The following NTRK1 variants were observed in gnomAD, a reference collection of about 807,000 sequenced individuals.
The protein encoded by NTRK1 is neurotrophic receptor tyrosine kinase 1.
NTRK1 carries 62 observed loss-of-function variants against 86.8 expected under a neutral mutation model. The observed-to-expected ratio is 0.71, with a 90% CI of 0.58 to 0.88. The LOEUF (loss-of-function observed/expected upper bound fraction) is 0.88, where lower values mean the gene tolerates loss of function less well. Among genes scored for constraint, NTRK1 ranks in the 40% least tolerant of loss-of-function variants. NTRK1 has a pLI of 0.00. For synonymous variants in NTRK1, 469 were observed against 456.6 expected (o/e 1.03, Z -0.35); for missense variants, 967 against 1,078.4 (o/e 0.90, Z 1.45).
At chr1:156,817,437 A>G (rs1654036623) in intron 1 of NTRK1, among the ~76,000 whole-genome samples, 1 of 151,462 alleles carries the variant, frequency 6.6e-6, no homozygotes, top group South Asian at 2.1e-4. Flanking sequence ...AATAATAATA[A>G]TAATAGTAAT....
intron 1 of NTRK1, among the ~76,000 whole-genome samples, chr1:156,832,609 G>T (rs1278906095): frequency 1.3e-5 from 2 of 152,136 alleles, no homozygotes; most frequent in East Asian, 3.8e-4. Flanking sequence ...CAGGCTTAGA[G>T]CTGCAAAGCC....
Position 156,874,900 on chromosome 1 carries a change from C to A in NTRK1, c.1252-6C>A. The A allele has an allele frequency of 1.2e-6, 2 of 1,605,928 alleles. No homozygotes were observed. The highest frequency in any genetic ancestry group is 1.7e-6 in the Non-Finnish European group (2 of 1,172,892). ...CCTGGATCTAACTACCCCTGTCCCCCACCAGGTCTCGGTGGCTGTGGGCCT... is the reference window on the plus strand; with the variant it reads ...CCTGGATCTAACTACCCCTGTCCCCAACCAGGTCTCGGTGGCTGTGGGCCT... On this transcript the variant is annotated splice_polypyrimidine_tract_variant and splice_region_variant and intron_variant, in intron 10 of 16. Coordinates refer to ENST00000524377, the MANE Select transcript of NTRK1 (RefSeq NM_002529.4).
chr1:156,879,511 T>G, intron 15 of NTRK1, 149 bp downstream of exon 15: 2 of 1,073,298 alleles, frequency 1.9e-6, no homozygotes, highest in Non-Finnish European at 2.6e-6. Context: ...CCTCGGCTCC[T>G]GGTGGAGGGG....
chr1:156,864,677 G>T (rs1655840298), intron 2 of NTRK1, 51 bp from the exon 3 acceptor site: 2 of 1,592,690 alleles, frequency 1.3e-6, no homozygotes, highest in South Asian at 2.2e-5. Context: ...GAGGGCCAGG[G>T]GCCCAGAGTA....
At chr1:156,844,487 A>G in intron 2 of NTRK1, 1 of 1,614,078 alleles carries the variant, frequency 6.2e-7, no homozygotes, top group East Asian at 2.2e-5. Flanking sequence ...AGAAGGCAAC[A>G]CTGTCTGTCC....
chr1:156,849,298 A>G (rs1393691500), intron 2 of NTRK1: 4 of 1,613,504 alleles, frequency 2.5e-6, no homozygotes, highest in Non-Finnish European at 3.4e-6. Flanking sequence ...TGTTCTGCCG[A>G]CCTCGCGTGC....
At chr1:156,880,311 T>C (rs2102928517) in intron 16 of NTRK1, 154 bp downstream of exon 16, 2 of 752,830 alleles carry the variant, frequency 2.7e-6, no homozygotes, top group Non-Finnish European at 4.4e-6. Context: ...TCCCCTCCAC[T>C]GTGGCCCTTT....
chr1:156,821,041 C>A (rs996492311), intron 1 of NTRK1, among the ~76,000 whole-genome samples: 1 of 152,146 alleles, frequency 6.6e-6, no homozygotes, highest in Non-Finnish European at 1.5e-5. Context: ...AGATCTTTAA[C>A]CTTCTTGGTT....
chr1:156,820,702 C>T (rs1306681511), intron 1 of NTRK1, among the ~76,000 whole-genome samples: 4 of 152,122 alleles, frequency 2.6e-5, no homozygotes, highest in South Asian at 4.1e-4. Flanking sequence ...TAGTTTAATT[C>T]GAAGTTGGAT....
rs1654968041 is a variant in NTRK1 at position 156,845,588 on chromosome 1, G to A, written c.50+3395G>A. ...CGCCCCTCACAGGCCCCACTCATCA[G>A]ACCCTCCCAGGCCGCGCGCGCTCTT... On this transcript the variant is annotated intron_variant, in intron 2 of 16. Coordinates refer to the NTRK1 transcript ENST00000392302. 4.8e-6 allele frequency: 6 copies of A among 1,243,048 alleles called. No individual in the cohort carries two copies. The South Asian group carries it at 8.1e-5, about 17-fold the overall frequency. The allele number at this position is 1,243,048 out of a possible 1,614,324, so 77.0% of individuals were successfully genotyped here.
upstream of NTRK1, chr1:156,858,715 G>A (rs1310578400): frequency 2.9e-6 from 3 of 1,034,260 alleles, no homozygotes; most frequent in Non-Finnish European, 3.0e-6. Flanking sequence ...AGAGACCAGG[G>A]TTCAGATAGG....
chr1:156,849,382 G>C (rs372964590), intron 2 of NTRK1: 3 of 1,613,848 alleles, frequency 1.9e-6, no homozygotes, highest in Non-Finnish European at 2.5e-6. Context: ...TCTTGCCCAC[G>C]GGAATGGTGA....
rs760131903 is a variant in NTRK1, at chr1:156,879,162, G to T, written c.1846G>T (p.Asp616Tyr). ...TGCCAAGCTGCTGGCTGGTGGGGAG[G>T]ATGTGGCTCCAGGCCCCCTGGGTCT... is the stretch of plus-strand genomic sequence containing the variant. ...PDAKLLAGGE[D>Y]VAPGPLGLGQ... is the part of the protein sequence containing the mutation. Residue 616 changes from aspartate (D) to tyrosine (Y), a missense_variant, in exon 15 of 17, where the codon GAT (aspartate) becomes TAT (tyrosine). Physicochemically the swap from Asp to Tyr is radical, Grantham distance 160. Around this residue, in one of 2 missense-constraint regions of NTRK1, gnomAD observed 637 missense variants for 776.5 expected, o/e 0.82. Transcript: ENST00000524377. 1 of 1,613,882 alleles carries T rather than the reference G, an allele frequency of 6.2e-7. No individual in the cohort carries two copies. Among genetic ancestry groups the T allele is most frequent in the South Asian group, 1.1e-5 (1 of 91,048 alleles).
At chr1:156,834,979 T>G (rs1654561398) in intron 1 of NTRK1, among the ~76,000 whole-genome samples, 1 of 152,024 alleles carries the variant, frequency 6.6e-6, no homozygotes, top group African/African-American at 2.4e-5. Flanking sequence ...GTCTAGGTGA[T>G]GGGCATGGAA....
At chr1:156,849,490 G>T in intron 2 of NTRK1, 2 of 1,409,676 alleles carry the variant, frequency 1.4e-6, no homozygotes, top group South Asian at 1.1e-5. Flanking sequence ...CTTGCTCTGC[G>T]GGGAGGTGGG....
chr1:156,816,591 T>A, intron 1 of NTRK1: 2 of 1,443,964 alleles, frequency 1.4e-6, no homozygotes, highest in Non-Finnish European at 1.9e-6. Flanking sequence ...ATCCCTGAAG[T>A]GGGAGCTCAA....
chr1:156,871,313 G>A (rs1182393024), intron 6 of NTRK1, among the ~76,000 whole-genome samples: 1 of 152,150 alleles, frequency 6.6e-6, no homozygotes, highest in Non-Finnish European at 1.5e-5. Context: ...CCAATACTTT[G>A]GGAGGCCGAG....
intron 2 of NTRK1, chr1:156,849,513 G>GCGGGGGGGGGC: frequency 4.1e-6 from 2 of 486,120 alleles, no homozygotes; most frequent in Non-Finnish European, 8.3e-6. Context: ...CAGGGGGTGG[G>GCGGGGGGGGGC]AAAGGGGATG....
At chr1:156,843,416 C>G in intron 2 of NTRK1, 8 of 1,613,970 alleles carry the variant, frequency 5.0e-6, no homozygotes, top group Non-Finnish European at 6.8e-6. Context: ...TCCACCCACT[C>G]CCAGACCTAC....
Sources: gnomAD v4.1 joint callset for allele counts (sites outside exome capture counted in the v4.1 genomes callset) on GRCh38, gnomAD v4.1.1 for gene constraint, gnomAD v4.1.1 regional missense constraint, MANE v1.5 for transcripts, NCBI Gene and HGNC (gene_info 2026-07-23, HGNC 2026-07-21) for gene names.